CFAP61: variants seen among roughly 807,000 people sequenced by gnomAD.
The protein encoded by CFAP61 is cilia and flagella associated protein 61, also known as cilia- and flagella-associated protein 61.
A neutral mutation model predicts 135.6 loss-of-function variants in CFAP61; 107 were observed. The observed-to-expected ratio is 0.79, with a 90% CI of 0.67 to 0.93. The LOEUF is 0.93. Among genes scored for constraint, CFAP61 ranks in the 40% least tolerant of loss-of-function variants. CFAP61 has a pLI of 0.00. For missense variants in CFAP61, 1,507 were observed against 1,556.2 expected (o/e 0.97, Z 0.53); for synonymous variants, 575 against 578.5 (o/e 0.99, Z 0.09).
At chr20:20,217,027 A>G (rs2048087229) in intron 17 of CFAP61, among the ~76,000 whole-genome samples, 1 of 152,160 alleles carries the variant, frequency 6.6e-6, no homozygotes, top group East Asian at 1.9e-4. Context: ...TTCTATTTAA[A>G]AAGAAGGTGG....
At chr20:20,178,491 A>G (rs990494172) in intron 13 of CFAP61, among the ~76,000 whole-genome samples, 1 of 152,208 alleles carries the variant, frequency 6.6e-6, no homozygotes, top group Non-Finnish European at 1.5e-5. Flanking sequence ...ACCCTTTCAC[A>G]TGATGCTTTT....
chr20:20,115,851 T>C (rs542171898), intron 8 of CFAP61, among the ~76,000 whole-genome samples: 4 of 152,350 alleles, frequency 2.6e-5, no homozygotes, highest in African/African-American at 7.2e-5. Context: ...TGATGGAGAC[T>C]TAGCTTGATT....
At chr20:20,194,417 T>A (rs1043368045) in intron 15 of CFAP61, among the ~76,000 whole-genome samples, 2 of 152,204 alleles carry the variant, frequency 1.3e-5, no homozygotes, top group African/African-American at 4.8e-5. Flanking sequence ...TATCAGCTTG[T>A]TTATTACATG....
intron 22 of CFAP61, among the ~76,000 whole-genome samples, chr20:20,288,071 T>G (rs1362420866): frequency 6.6e-6 from 1 of 152,130 alleles, no homozygotes; most frequent in South Asian, 2.1e-4. Context: ...AACCCAGACC[T>G]AGTAGATACA....
intron 25 of CFAP61, among the ~76,000 whole-genome samples, chr20:20,337,642 AGATGGGTGGGTGGGTGGATGGATGGATG>A (rs2058282033): frequency 1.2e-4 from 1 of 8,414 alleles, no homozygotes; most frequent in Non-Finnish European, 2.4e-3. Flanking sequence ...ATGGATGGAT[AGATGGGTGGGTGGGTGGATGGATGGATG>A]GATGGATAGA....
chr20:20,251,520 C>T, intron 19 of CFAP61, 75 bp from the exon 20 acceptor site: 3 of 1,456,868 alleles, frequency 2.1e-6, no homozygotes, highest in Non-Finnish European at 2.8e-6. Flanking sequence ...GGGACTTGAA[C>T]CAGCTCACCA....
In CFAP61 at chr20:20,232,194, G is replaced by A. The variant is rs373130769; in HGVS notation, c.2060+3818G>A. ...CCCCAGGTCCTGCCAGCCTGAAGGC[G>A]CCACCACGGTAGAAACTCCACAAAC... On this transcript the variant is annotated intron_variant, in intron 18 of 26. Transcript: ENST00000245957. Among the ~76,000 whole-genome samples the A allele has an allele frequency of 3.3e-5, 5 of 152,054 alleles. No homozygotes were observed. The East Asian group carries it at 5.8e-4, about 18-fold the overall frequency.
intron 20 of CFAP61, among the ~76,000 whole-genome samples, chr20:20,259,986 T>C (rs183171913): frequency 6.6e-6 from 1 of 152,308 alleles, no homozygotes; most frequent in Admixed American, 6.5e-5. Flanking sequence ...GGATAACCAG[T>C]CCTTGTGGCA....
chr20:20,059,664 C>A (rs1777616223), intron 2 of CFAP61, among the ~76,000 whole-genome samples: 1 of 151,852 alleles, frequency 6.6e-6, no homozygotes, highest in African/African-American at 2.4e-5. Flanking sequence ...AATGAATAAT[C>A]ATGTTTAAAC....
chr20:20,055,275 T>A (rs1448061016), intron 1 of CFAP61, among the ~76,000 whole-genome samples: 1 of 152,224 alleles, frequency 6.6e-6, no homozygotes, highest in Non-Finnish European at 1.5e-5. Flanking sequence ...GTGACTCCCA[T>A]AATACACAGA....
intron 16 of CFAP61, among the ~76,000 whole-genome samples, chr20:20,197,528 A>AAC (rs145850922): frequency 9.9e-5 from 15 of 151,426 alleles, no homozygotes; most frequent in Non-Finnish European, 1.5e-4. Context: ...AAGAGTCACA[A>AAC]ACACACACAC....
At chr20:20,350,655 A>G (rs1341553933) in intron 26 of CFAP61, among the ~76,000 whole-genome samples, 2 of 152,190 alleles carry the variant, frequency 1.3e-5, no homozygotes, top group African/African-American at 4.8e-5. Flanking sequence ...CAAACAAACA[A>G]AGAATTGAAT....
At chr20:20,231,556 G>A (rs1008520785) in intron 18 of CFAP61, among the ~76,000 whole-genome samples, 3 of 152,164 alleles carry the variant, frequency 2.0e-5, no homozygotes, top group Non-Finnish European at 2.9e-5. Context: ...GGGCAGGGGC[G>A]TAGCGTCATC....
At chr20:20,281,017 T>C (rs2054161663) in intron 22 of CFAP61, among the ~76,000 whole-genome samples, 1 of 152,246 alleles carries the variant, frequency 6.6e-6, no homozygotes, top group African/African-American at 2.4e-5. Context: ...TTTCTCCTTT[T>C]TGTGAAATGT....
Position 20,263,147 on chromosome 20 carries a change from C to G in CFAP61, c.2503+17C>G. 6.3e-7 allele frequency: 1 copy of G among 1,594,740 alleles called. No homozygotes were observed. Among genetic ancestry groups the G allele is most frequent in the Non-Finnish European group, 8.6e-7 (1 of 1,166,192 alleles). On this transcript the variant is annotated intron_variant, in intron 21 of 26. Transcript: ENST00000245957. ...CCACAGAAGGTAAGGATGTCGGTAA[C>G]TGTGCATCTCTTCAGAATAGCGTTT...
chr20:20,305,331 GCC>G (rs904911095), intron 25 of CFAP61, among the ~76,000 whole-genome samples: 7 of 152,176 alleles, frequency 4.6e-5, no homozygotes, highest in African/African-American at 7.2e-5. Flanking sequence ...AGCCCACGTG[GCC>G]CCCTAATTTA....
chr20:20,358,032 A>AGT (rs1364946138), intron 26 of CFAP61, among the ~76,000 whole-genome samples: 2,244 of 127,328 alleles, frequency 0.018, 11 homozygotes, highest in Non-Finnish European at 0.026. Flanking sequence ...AGGTGGTCAC[A>AGT]CTGAGGAGAG....
chr20:20,189,125 A>G (rs2055725895), intron 14 of CFAP61, among the ~76,000 whole-genome samples: 1 of 152,200 alleles, frequency 6.6e-6, no homozygotes, highest in Non-Finnish European at 1.5e-5. Context: ...TTGGAAAAAA[A>G]CCTTTTAGTT....
chr20:20,309,043 C>A (rs1382962736), intron 25 of CFAP61, among the ~76,000 whole-genome samples: 3 of 152,166 alleles, frequency 2.0e-5, no homozygotes, highest in African/African-American at 7.2e-5. Flanking sequence ...TTCTACTGAG[C>A]CACGAGAAGG....
Sources: gnomAD v4.1 joint callset for allele counts (sites outside exome capture counted in the v4.1 genomes callset) on GRCh38, gnomAD v4.1.1 for gene constraint, MANE v1.5 for transcripts, NCBI Gene and HGNC (gene_info 2026-07-23, HGNC 2026-07-21) for gene names.